Variants in SH3BP4 observed in about 807,000 individuals in gnomAD.
SH3BP4 encodes the protein SH3 domain binding protein 4.
Under a neutral mutation model 65.5 loss-of-function variants are expected in SH3BP4, and 33 were observed. That is an observed-to-expected ratio of 0.50 (90% CI 0.38 to 0.67). The LOEUF (loss-of-function observed/expected upper bound fraction) is 0.67. SH3BP4 is among the 30% of genes least tolerant of loss of function. The pLI, the probability that SH3BP4 is intolerant of heterozygous loss-of-function variation, is 0.00. For missense variants in SH3BP4, 1,134 were observed against 1,261.4 expected (o/e 0.90, Z 1.53); for synonymous variants, 552 against 545.5 (o/e 1.01, Z -0.17).
At chr2:235,039,616 GA>G (rs1398921394) in intron 3 of SH3BP4, among the ~76,000 whole-genome samples, 31 of 152,216 alleles carry the variant, frequency 2.0e-4, no homozygotes, top group African/African-American at 7.2e-4. Context: ...GTCCTGGGGA[GA>G]AGTATATGTG....
intron 1 of SH3BP4, among the ~76,000 whole-genome samples, chr2:234,986,860 A>C (rs370728945): frequency 6.6e-5 from 10 of 151,596 alleles, no homozygotes; most frequent in African/African-American, 2.4e-4. Context: ...GCTGGAGTGC[A>C]ATGGCTCAAT....
rs563854006 is a variant in SH3BP4, at chr2:235,027,395, C to T, written c.-132-7476C>T. Among the ~76,000 whole-genome samples the T allele has an allele frequency of 8.2e-5, 12 of 146,620 alleles. No homozygotes were observed. The East Asian group carries it at 2.7e-3, about 33-fold the overall frequency. Reference sequence around the variant, plus strand: ...CACTATAGCAACGGGGTCCAAAGCTCGGGGTGCTGGGTGTCAGGCCGTCAG... The same window carrying T: ...CACTATAGCAACGGGGTCCAAAGCTTGGGGTGCTGGGTGTCAGGCCGTCAG... On this transcript the variant is annotated intron_variant, in intron 2 of 5. Coordinates refer to ENST00000392011, the MANE Select transcript of SH3BP4 (RefSeq NM_014521.3).
chr2:235,012,077 G>T (rs1016383632), intron 2 of SH3BP4, among the ~76,000 whole-genome samples: 4 of 152,204 alleles, frequency 2.6e-5, no homozygotes, highest in African/African-American at 9.7e-5. Flanking sequence ...CAGTGTGGAT[G>T]CAGGGAGCAG....
In SH3BP4 at chr2:235,007,770, G is replaced by A. The variant is rs546437180; in HGVS notation, c.-133+12394G>A. ...CTGCGGCCATCCTGAGCCCGTGGGG[G>A]CAGTTATGGGTAGTGCTGAGGAGGC... On this transcript the variant is annotated intron_variant, in intron 2 of 5. Coordinates refer to ENST00000392011, the MANE Select transcript of SH3BP4 (RefSeq NM_014521.3). 5.9e-5 allele frequency among the ~76,000 whole-genome samples: 9 copies of A among 152,204 alleles called. No homozygotes were observed. The South Asian group carries it at 1.7e-3, about 28-fold the overall frequency.
intron 4 of SH3BP4, among the ~76,000 whole-genome samples, chr2:235,050,546 G>A (rs533028596): frequency 2.0e-5 from 3 of 152,012 alleles, no homozygotes; most frequent in South Asian, 2.1e-4. Context: ...ATGATCTGTC[G>A]CTCCTGGTTC....
At chr2:235,038,095 C>CA (rs1695444846) in intron 3 of SH3BP4, among the ~76,000 whole-genome samples, 1 of 149,374 alleles carries the variant, frequency 6.7e-6, no homozygotes, top group African/African-American at 2.5e-5. Flanking sequence ...CAACAGCAAA[C>CA]AAAACAGGCT....
In SH3BP4 at chr2:234,971,129, A is replaced by T. The variant is rs13403347; in HGVS notation, c.-207+18959A>T. Among the ~76,000 whole-genome samples, 749 of 152,220 alleles carry T rather than the reference A, an allele frequency of 4.9e-3. 9 individuals are homozygous for T. The highest frequency in any genetic ancestry group is 0.017 in the African/African-American group (705 of 41,524). On this transcript the variant is annotated intron_variant, in intron 1 of 5. Transcript: ENST00000392011. Reference sequence around the variant, plus strand: ...ACAGCAGAATCTTCACACCTTTTTCATCTTGCAGAATGAAAATTCTGTACC... The same window carrying T: ...ACAGCAGAATCTTCACACCTTTTTCTTCTTGCAGAATGAAAATTCTGTACC...
intron 4 of SH3BP4, among the ~76,000 whole-genome samples, chr2:235,047,596 G>A (rs190296064): frequency 6.6e-6 from 1 of 152,352 alleles, no homozygotes; most frequent in East Asian, 1.9e-4. Flanking sequence ...TCGGCACATG[G>A]TCTCTGTTAT....
chr2:235,016,495 G>A (rs182465022), intron 2 of SH3BP4, among the ~76,000 whole-genome samples: 18 of 151,996 alleles, frequency 1.2e-4, no homozygotes, highest in African/African-American at 2.4e-4. Flanking sequence ...CCATTCACTC[G>A]TCCTTTCTTT....
rs531601220 is a variant in SH3BP4 at position 235,026,902 on chromosome 2, A to G, written c.-132-7969A>G. Among the ~76,000 whole-genome samples, 6 of 152,216 alleles carry G rather than the reference A, an allele frequency of 3.9e-5. No homozygotes were observed. Among genetic ancestry groups the G allele is most frequent in the African/African-American group, 1.4e-4 (6 of 41,538 alleles). On this transcript the variant is annotated intron_variant, in intron 2 of 5. Transcript: ENST00000392011. The surrounding 1 kb of genome is among the most constrained non-coding windows in gnomAD (Gnocchi z 4.6). Reference sequence around the variant, plus strand: ...GGGCCTTGCTGTTTTCTCCCCCAGGAAGAGGCAGCCCGCCCGAGCCCCAGG... The same window carrying G: ...GGGCCTTGCTGTTTTCTCCCCCAGGGAGAGGCAGCCCGCCCGAGCCCCAGG...
intron 2 of SH3BP4, among the ~76,000 whole-genome samples, chr2:235,010,340 T>C (rs1008570898): frequency 1.3e-5 from 2 of 152,172 alleles, no homozygotes; most frequent in Admixed American, 1.3e-4. Context: ...GCCTGCTTCA[T>C]GGGGAGGCCC....
chr2:235,008,735 G>T (rs767406180), intron 2 of SH3BP4: 3 of 152,166 alleles, frequency 2.0e-5, no homozygotes, highest in South Asian at 2.1e-4. Flanking sequence ...TCATTCTCCC[G>T]CTAGGAAACC....
intron 1 of SH3BP4, among the ~76,000 whole-genome samples, chr2:234,969,578 C>G (rs1692926483): frequency 6.6e-6 from 1 of 150,684 alleles, no homozygotes; most frequent in Non-Finnish European, 1.5e-5. Flanking sequence ...CTGATCGTGC[C>G]TCTTCCTGGC....
At chr2:234,959,596 G>T (rs1402492876) in intron 1 of SH3BP4, among the ~76,000 whole-genome samples, 5 of 151,218 alleles carry the variant, frequency 3.3e-5, no homozygotes, top group African/African-American at 1.2e-4. Flanking sequence ...ATTCAGGTAG[G>T]TTTACCTTGC....
chr2:234,973,288 C>T (rs770580252), intron 1 of SH3BP4, among the ~76,000 whole-genome samples: 4 of 152,236 alleles, frequency 2.6e-5, no homozygotes, highest in African/African-American at 7.2e-5. Context: ...GGCCATCTTC[C>T]GGGGAAATTA....
rs564995355 is a variant in SH3BP4, at chr2:234,968,395, T to C, written c.-207+16225T>C. ...AGTTGTTCTTTTTTTTTTTTTTTTT[T>C]CAAGTTGTTTACTCTTATTTTCTAG... On this transcript the variant is annotated intron_variant, in intron 1 of 5. Coordinates refer to ENST00000392011, the MANE Select transcript of SH3BP4 (RefSeq NM_014521.3). 6.2e-4 allele frequency among the ~76,000 whole-genome samples: 93 copies of C among 150,796 alleles called. 1 individual carries two copies. The highest frequency in any genetic ancestry group is 2.2e-3 in the African/African-American group (90 of 40,908).
rs561042602 is a variant in SH3BP4, at chr2:235,030,478, G to A, written c.-132-4393G>A. On this transcript the variant is annotated intron_variant, in intron 2 of 5. Coordinates refer to ENST00000392011, the MANE Select transcript of SH3BP4 (RefSeq NM_014521.3). This position sits in a 1 kb window ranked among gnomAD's most constrained non-coding sequence, Gnocchi z 4.1. ...GATGGTGCCTGGTGGAGCTATGAGCGCAGCCTGTGCTGTAAGGGGAGGACA... is the reference window on the plus strand; with the variant it reads ...GATGGTGCCTGGTGGAGCTATGAGCACAGCCTGTGCTGTAAGGGGAGGACA... 2.6e-4 allele frequency among the ~76,000 whole-genome samples: 39 copies of A among 152,306 alleles called. No individual in the cohort carries two copies. The East Asian group carries it at 4.4e-3, about 17-fold the overall frequency.
rs889411715 is a variant in SH3BP4, at chr2:235,030,288, ATAGT to A, written c.-132-4579_-132-4576del. 6.6e-6 allele frequency among the ~76,000 whole-genome samples: 1 copy of A among 152,158 alleles called. No homozygotes were observed. Among genetic ancestry groups the A allele is most frequent in the South Asian group, 2.1e-4 (1 of 4,820 alleles). ...TGAGCAACTCTGGGCGTGGGAAGAA[ATAGT>A]TAGCAAGACTGGGAGCAGAGAGTGT... On this transcript the variant is annotated intron_variant, in intron 2 of 5. Coordinates refer to ENST00000392011, the MANE Select transcript of SH3BP4 (RefSeq NM_014521.3). The surrounding 1 kb of genome is among the most constrained non-coding windows in gnomAD (Gnocchi z 4.1).
rs762392414 is a variant in SH3BP4, at chr2:235,042,980, C to T, written c.2211C>T (p.Thr737=). The T allele has an allele frequency of 1.5e-4, 249 of 1,612,354 alleles. 1 individual carries two copies. The highest frequency in any genetic ancestry group is 1.1e-3 in the South Asian group (98 of 91,056). The part of the protein sequence containing the change: ...PSLCSGPELS[T]SVLLEQILRP... ...TGTGCTCGGGCCCCGAGCTGAGCAC[C>T]TCGGTGCTGCTGGAGCAGATCCTGC... Residue 737 remains threonine, a synonymous_variant, in exon 4 of 6, where the codon ACC becomes ACT. Transcript: ENST00000392011. This position sits in a 1 kb window ranked among gnomAD's most constrained non-coding sequence, Gnocchi z 7.3.
Sources: gnomAD v4.1 joint callset for allele counts (sites outside exome capture counted in the v4.1 genomes callset) on GRCh38, gnomAD v4.1.1 for gene constraint, Gnocchi (gnomAD v3.1) non-coding constraint, MANE v1.5 for transcripts, NCBI Gene and HGNC (gene_info 2026-07-23, HGNC 2026-07-21) for gene names.